DAB1: variants seen among roughly 807,000 people sequenced by gnomAD.
The protein encoded by DAB1 is DAB adaptor protein 1.
A neutral mutation model predicts 64.6 loss-of-function variants in DAB1; 15 were observed. That is an observed-to-expected ratio of 0.23 (90% CI 0.16 to 0.36). The LOEUF (loss-of-function observed/expected upper bound fraction) is 0.36, where lower values mean the gene tolerates loss of function less well. Ranked by LOEUF, DAB1 falls within the 10% of genes least tolerant of loss-of-function variation. DAB1 has a pLI of 1.00. For missense variants in DAB1, 596 were observed against 706.7 expected (o/e 0.84, Z 1.78); for synonymous variants, 235 against 251.9 (o/e 0.93, Z 0.64).
At chr1:57,150,771 T>C (rs1659579393) in intron 2 of DAB1, among the ~76,000 whole-genome samples, 2 of 152,130 alleles carry the variant, frequency 1.3e-5, no homozygotes, top group Non-Finnish European at 1.5e-5. Flanking sequence ...AAACAAAATG[T>C]ACAAGGATAT....
chr1:57,241,294 G>C (rs751689847), intron 2 of DAB1, among the ~76,000 whole-genome samples: 18 of 152,160 alleles, frequency 1.2e-4, no homozygotes, highest in Non-Finnish European at 2.4e-4. Flanking sequence ...TTGAGGGAAG[G>C]AGAAGAACAG....
intron 6 of DAB1, among the ~76,000 whole-genome samples, chr1:57,677,145 G>C (rs941230020): frequency 6.6e-6 from 1 of 152,202 alleles, no homozygotes; most frequent in African/African-American, 2.4e-5. Context: ...AACACAGCAA[G>C]AAGGTGGCCA....
chr1:57,741,368 G>A (rs1387538938), intron 6 of DAB1, among the ~76,000 whole-genome samples: 1 of 152,168 alleles, frequency 6.6e-6, no homozygotes, highest in Non-Finnish European at 1.5e-5. Context: ...TCCTGCGGTA[G>A]GTACTATTGT....
At chr1:57,828,492 CCT>C (rs977425865) in intron 1 of DAB1, among the ~76,000 whole-genome samples, 19 of 152,102 alleles carry the variant, frequency 1.2e-4, no homozygotes, top group Admixed American at 1.2e-3. Flanking sequence ...TGGCTTTTCC[CCT>C]GTTCCAGTGA....
At chr1:57,168,792 ACACCT>A (rs1661449455) in intron 2 of DAB1, among the ~76,000 whole-genome samples, 1 of 152,188 alleles carries the variant, frequency 6.6e-6, no homozygotes, top group Non-Finnish European at 1.5e-5. Flanking sequence ...GCAGTGATTC[ACACCT>A]GTAATCTCAG....
chr1:57,813,430 C>T (rs79450348), intron 6 of DAB1, among the ~76,000 whole-genome samples: 3,013 of 152,244 alleles, frequency 0.02, 92 homozygotes, highest in East Asian at 0.13. Context: ...AAACACTGTG[C>T]ATTGTATTGG....
chr1:58,422,261 T>A (rs1644779572), intron 3 of DAB1, among the ~76,000 whole-genome samples: 1 of 151,754 alleles, frequency 6.6e-6, no homozygotes, highest in Non-Finnish European at 1.5e-5. Context: ...TCATGGTACG[T>A]GCTTGGAGTA....
At chr1:57,378,210 A>G (rs1681065291) in intron 1 of DAB1, among the ~76,000 whole-genome samples, 2 of 152,196 alleles carry the variant, frequency 1.3e-5, no homozygotes, top group South Asian at 4.1e-4. Flanking sequence ...AGAACTCAGT[A>G]CCGGCACTCT....
chr1:57,085,410 T>G (rs1290871812), intron 4 of DAB1, among the ~76,000 whole-genome samples: 4 of 152,204 alleles, frequency 2.6e-5, no homozygotes, highest in Non-Finnish European at 4.4e-5. Context: ...ATCAAATACC[T>G]AGGCATTCTG....
intron 4 of DAB1, among the ~76,000 whole-genome samples, chr1:58,289,926 C>A (rs1661774189): frequency 6.6e-6 from 1 of 152,186 alleles, no homozygotes; most frequent in Non-Finnish European, 1.5e-5. Flanking sequence ...GATATTCTCA[C>A]TTGTATCCAG....
At chr1:57,507,331 CTT>C (rs1644355881) in intron 7 of DAB1, among the ~76,000 whole-genome samples, 1 of 152,202 alleles carries the variant, frequency 6.6e-6, no homozygotes, top group Admixed American at 6.5e-5. Flanking sequence ...ACTCCTCTCT[CTT>C]TGCCATAAAG....
At chr1:57,704,515 C>T (rs1646942848) in intron 6 of DAB1, among the ~76,000 whole-genome samples, 1 of 152,168 alleles carries the variant, frequency 6.6e-6, no homozygotes, top group Non-Finnish European at 1.5e-5. Context: ...CATTTTCAAA[C>T]ACAAAGTAAT....
chr1:58,214,745 T>A (rs1338986887), intron 4 of DAB1, among the ~76,000 whole-genome samples: 1 of 152,222 alleles, frequency 6.6e-6, no homozygotes, highest in Non-Finnish European at 1.5e-5. Context: ...AACATTTCTT[T>A]TCAAATGAGA....
rs138366896 is a variant in DAB1, at chr1:57,955,428, T to C, written n.388-71266A>G. Among the ~76,000 whole-genome samples the C allele has an allele frequency of 5.4e-4, 82 of 152,296 alleles. 1 individual carries two copies. The East Asian group carries it at 0.015, about 28-fold the overall frequency. The stretch of plus-strand genomic sequence containing the variant: ...CTTTCTACTGTCAGTCAAGCCCACA[T>C]GCAAGAGCAGAGAAAGACCCTTATA... On this transcript the variant is annotated intron_variant and non_coding_transcript_variant, in intron 5 of 20. Transcript: ENST00000485760.
At chr1:57,559,023 A>G (rs1365269881) in intron 7 of DAB1, among the ~76,000 whole-genome samples, 1 of 152,180 alleles carries the variant, frequency 6.6e-6, no homozygotes, top group Non-Finnish European at 1.5e-5. Flanking sequence ...CTCAGCTACA[A>G]AATTTAAATA....
chr1:57,340,834 T>C (rs563077149), intron 1 of DAB1, among the ~76,000 whole-genome samples: 1 of 152,310 alleles, frequency 6.6e-6, no homozygotes, highest in East Asian at 1.9e-4. Flanking sequence ...TGCCAGCACC[T>C]GGGCTCTGAA....
intron 3 of DAB1, among the ~76,000 whole-genome samples, chr1:58,352,178 C>T (rs1644065158): frequency 6.6e-6 from 1 of 152,050 alleles, no homozygotes; most frequent in African/African-American, 2.4e-5. Context: ...ATAGGAAGCA[C>T]TGATTTTCTC....
chr1:58,517,170 A>G (rs1395044278), intron 2 of DAB1, among the ~76,000 whole-genome samples: 1 of 152,238 alleles, frequency 6.6e-6, no homozygotes, highest in Non-Finnish European at 1.5e-5. Context: ...GATTTGCTAC[A>G]GTCATGTGGA....
At chr1:57,481,695 T>A (rs1644022718) in intron 7 of DAB1, among the ~76,000 whole-genome samples, 1 of 151,946 alleles carries the variant, frequency 6.6e-6, no homozygotes, top group East Asian at 1.9e-4. Flanking sequence ...CAGGTGCCTG[T>A]AATCCCAGCT....
Sources: allele counts gnomAD v4.1 joint callset (sites outside exome capture counted in the v4.1 genomes callset), GRCh38; gene constraint gnomAD v4.1.1; transcripts MANE v1.5; gene names NCBI Gene and HGNC (gene_info 2026-07-23, HGNC 2026-07-21).